TBX21: variants seen among roughly 807,000 people sequenced by gnomAD.
TBX21 encodes T-box transcription factor TBX21.
Under a neutral mutation model 52.2 loss-of-function variants are expected in TBX21, and 11 were observed. That is an observed-to-expected ratio of 0.21 (90% CI 0.13 to 0.35). The LOEUF (loss-of-function observed/expected upper bound fraction) is 0.35, where lower values mean the gene tolerates loss of function less well. TBX21 is among the 10% of genes least tolerant of loss of function. The pLI, the probability that TBX21 is intolerant of heterozygous loss-of-function variation, is 1.00. For synonymous variants in TBX21, 300 were observed against 316.1 expected, an observed-to-expected ratio of 0.95 and a Z score of 0.54; for missense variants, 625 against 755.1, an observed-to-expected ratio of 0.83 and a Z score of 2.02.
In TBX21 at chr17:47,733,591, A is replaced by C; in HGVS notation, c.137A>C (p.Asp46Ala). 1.4e-6 allele frequency: 2 copies of C among 1,457,114 alleles called. No individual in the cohort carries two copies. Among genetic ancestry groups the C allele is most frequent in the Non-Finnish European group, 1.8e-6 (2 of 1,112,990 alleles). The allele number at this position is 1,457,114 out of a possible 1,614,324, so 90.3% of individuals were successfully genotyped here. Residue 46 changes from aspartate (D) to alanine (A), a missense_variant, in exon 1 of 6, where the codon GAC becomes GCC. Around this residue, in one of 4 missense-constraint regions of TBX21, gnomAD observed 221 missense variants for 204.9 expected, o/e 1.08. Transcript: ENST00000177694. This position sits in a 1 kb window ranked among gnomAD's most constrained non-coding sequence, Gnocchi z 6.6. ...FYPEPGAQDA[D>A]ERRGGGSLGS... Reference sequence around the variant, plus strand: ...CCGGAGCCGGGCGCGCAGGACGCGGACGAGCGTCGCGGGGGCGGCAGCCTG... The same window carrying C: ...CCGGAGCCGGGCGCGCAGGACGCGGCCGAGCGTCGCGGGGGCGGCAGCCTG...
At position 47,733,513 on chromosome 17, in the gene TBX21, G is replaced by T; in HGVS notation, c.59G>T (p.Gly20Val). The T allele has an allele frequency of 6.7e-7, 1 of 1,494,166 alleles. No individual in the cohort carries two copies. The allele number at this position is 1,494,166 out of a possible 1,614,324, so 92.6% of individuals were successfully genotyped here. ...CTGACGGGCACCGAGCCGATGCCGGGGAGCGACGAGGGCCGGGCGCCTGGC... is the reference window on the plus strand; with the variant it reads ...CTGACGGGCACCGAGCCGATGCCGGTGAGCGACGAGGGCCGGGCGCCTGGC... ...DMLTGTEPMPGSDEGRAPGAD... is the reference protein window; with the variant it reads ...DMLTGTEPMPVSDEGRAPGAD... The change falls in exon 1 of 6, where the codon GGG (glycine) becomes GTG (valine). Residue 20 changes from glycine (G) to valine (V), a missense_variant. By Grantham distance (109) the Gly-to-Val change is moderately radical (BLOSUM62 -3). Coordinates refer to ENST00000177694, the MANE Select transcript of TBX21 (RefSeq NM_013351.2). This position sits in a 1 kb window ranked among gnomAD's most constrained non-coding sequence, Gnocchi z 6.6.
In TBX21 at chr17:47,743,308, A is replaced by G; in HGVS notation, c.768+116A>G. The G allele has an allele frequency of 8.6e-6, 12 of 1,387,628 alleles. No individual in the cohort carries two copies. The South Asian group carries it at 1.5e-4, about 18-fold the overall frequency. The allele number at this position is 1,387,628 out of a possible 1,614,324, so 86.0% of individuals were successfully genotyped here. ...TGGTTCATTTTTTCTTCCTTCCTAC[A>G]GGAAGGAAGGTTCGTTTTTCTTCTG... On this transcript the variant is annotated intron_variant, in intron 3 of 5. Transcript: ENST00000177694.
At chr17:47,737,356 ATTGG>A (rs1369193538) in intron 1 of TBX21, among the ~76,000 whole-genome samples, 2 of 151,870 alleles carry the variant, frequency 1.3e-5, no homozygotes, top group Non-Finnish European at 2.9e-5. Flanking sequence ...TCTGGGTGTG[ATTGG>A]TTGATTATTA....
At chr17:47,734,437 TAGTGGTGGTGGTAGC>T (rs1429348078) in intron 1 of TBX21, among the ~76,000 whole-genome samples, 3 of 151,704 alleles carry the variant, frequency 2.0e-5, no homozygotes, top group Non-Finnish European at 4.4e-5. Context: ...TTAGTGGTGG[TAGTGGTGGTGGTAGC>T]GGTGGTGGTG....
intron 1 of TBX21, among the ~76,000 whole-genome samples, chr17:47,735,544 A>T (rs1448432416): frequency 6.6e-6 from 1 of 151,554 alleles, no homozygotes; most frequent in Non-Finnish European, 1.5e-5. Context: ...ATAGCAAGAG[A>T]CTCTTCCAAG....
At chr17:47,739,485 G>A (rs930200759) in intron 1 of TBX21, among the ~76,000 whole-genome samples, 25 of 142,702 alleles carry the variant, frequency 1.8e-4, no homozygotes, top group South Asian at 1.4e-3. Context: ...ATGGCCTGGC[G>A]CGGTGGCTCA....
intron 3 of TBX21, among the ~76,000 whole-genome samples, chr17:47,743,879 C>CAAAAAAAAAAAAAAAAA: frequency 1.6e-5 from 1 of 62,136 alleles, no homozygotes; most frequent in Non-Finnish European, 3.2e-5. Context: ...GACTCCGTCT[C>CAAAAAAAAAAAAAAAAA]AAAAAAAAAA....
At chr17:47,736,419 C>T (rs1008261486) in intron 1 of TBX21, among the ~76,000 whole-genome samples, 3 of 152,122 alleles carry the variant, frequency 2.0e-5, no homozygotes, top group African/African-American at 7.2e-5. Context: ...ATTAGCAAAC[C>T]TGAAAAGAAT....
intron 1 of TBX21, among the ~76,000 whole-genome samples, chr17:47,740,397 G>T (rs545198545): frequency 3.9e-5 from 6 of 152,036 alleles, no homozygotes; most frequent in Admixed American, 3.9e-4. Flanking sequence ...AGCTTTCAGA[G>T]GAAAGATGGA....
chr17:47,741,454 C>T (rs1217666153), intron 1 of TBX21, among the ~76,000 whole-genome samples: 1 of 152,102 alleles, frequency 6.6e-6, no homozygotes, highest in Non-Finnish European at 1.5e-5. Context: ...CAGCATCCCA[C>T]CCCCTAACTT....
chr17:47,744,638 G>C, intron 5 of TBX21, 95 bp downstream of exon 5: 9 of 1,605,062 alleles, frequency 5.6e-6, no homozygotes, highest in Non-Finnish European at 6.8e-6. Context: ...AGATGCTACA[G>C]GTGGGCAGGC....
chr17:47,745,205 A>G lies in TBX21; in HGVS notation c.1447A>G (p.Ile483Val), dbSNP rs752883663. The change falls in exon 6 of 6, where the codon ATC (isoleucine) becomes GTC (valine). Residue 483 changes from isoleucine to valine, a missense_variant. By Grantham distance (29) the Ile-to-Val change is conservative (BLOSUM62 3). Around this residue, in one of 4 missense-constraint regions of TBX21, gnomAD observed 261 missense variants for 275.1 expected, o/e 0.95. Transcript: ENST00000177694. ...PPLVWTEIAP[I>V]RPESSDSGLG... is the part of the protein sequence containing the mutation. ...CTTGGTGTGGACTGAGATTGCCCCC[A>G]TCCGGCCGGAATCCAGTGATTCAGG... 2 of 1,614,178 alleles carry G rather than the reference A, an allele frequency of 1.2e-6. No homozygotes were observed. Among genetic ancestry groups the G allele is most frequent in the South Asian group, 2.2e-5 (2 of 91,082 alleles).
At position 47,742,574 on chromosome 17, in the gene TBX21, C is replaced by T; in HGVS notation, c.492-36C>T. 6.4e-7 allele frequency: 1 copy of T among 1,559,798 alleles called. No individual in the cohort carries two copies. Among genetic ancestry groups the T allele is most frequent in the Non-Finnish European group, 8.7e-7 (1 of 1,148,688 alleles). ...GGGGGGACTGGCTGTCAAGCTGGAG[C>T]TGATGGGTGCTGGGGGCTTTCTCTC... On this transcript the variant is annotated intron_variant, in intron 1 of 5. Transcript: ENST00000177694. This position sits in a 1 kb window ranked among gnomAD's most constrained non-coding sequence, Gnocchi z 4.4.
intron 1 of TBX21, among the ~76,000 whole-genome samples, chr17:47,738,069 C>T (rs2032226415): frequency 1.3e-5 from 2 of 152,134 alleles, no homozygotes; most frequent in Admixed American, 1.3e-4. Context: ...CAGGCATGAG[C>T]CATTGTGCCC....
Position 47,745,462 on chromosome 17 carries a change from T to A in TBX21, c.*96T>A. 6.7e-7 allele frequency: 1 copy of A among 1,483,100 alleles called. No individual in the cohort carries two copies. The allele number at this position is 1,483,100 out of a possible 1,614,324, so 91.9% of individuals were successfully genotyped here. A position where few individuals can be genotyped will look rare whatever the true frequency, so the allele number is the denominator to read the frequency against. ...GATGAAGGACTGAGAAGGCCCCCGC[T>A]CCCTCTGGCCCTTCTCTGTTTAGTA... is the stretch of plus-strand genomic sequence containing the variant. On this transcript the variant is annotated 3_prime_UTR_variant, in exon 6 of 6. Coordinates refer to ENST00000177694, the MANE Select transcript of TBX21 (RefSeq NM_013351.2).
Position 47,733,458 on chromosome 17 carries a change from G to A in TBX21, c.4G>A (p.Gly2Ser). ...GGAAGGTGCCAGCCCGCCCCGGATG[G>A]GCATCGTGGAGCCGGGTTGCGGAGA... M[G>S]IVEPGCGDML... The change falls in exon 1 of 6, where the codon GGC (glycine) becomes AGC (serine). Residue 2 changes from glycine (G) to serine (S), a missense_variant. Physicochemically the swap from Gly to Ser is moderately conservative, Grantham distance 56. Coordinates refer to ENST00000177694, the MANE Select transcript of TBX21 (RefSeq NM_013351.2). The surrounding 1 kb of genome is among the most constrained non-coding windows in gnomAD (Gnocchi z 6.6). 1 of 1,486,910 alleles carries A rather than the reference G, an allele frequency of 6.7e-7. No homozygotes were observed. Among genetic ancestry groups the A allele is most frequent in the Middle Eastern group, 2.2e-4 (1 of 4,566 alleles). The allele number at this position is 1,486,910 out of a possible 1,614,324, so 92.1% of individuals were successfully genotyped here.
intron 1 of TBX21, among the ~76,000 whole-genome samples, chr17:47,740,825 G>T (rs1039473387): frequency 3.3e-5 from 5 of 152,162 alleles, no homozygotes; most frequent in African/African-American, 1.2e-4. Context: ...GGGAAGACAG[G>T]CGTGTGACAG....
chr17:47,744,573 G>A, intron 5 of TBX21, 30 bp downstream of exon 5: 1 of 1,613,828 alleles, frequency 6.2e-7, no homozygotes, highest in South Asian at 1.1e-5. Flanking sequence ...ACTCAGCTTT[G>A]GTCCCTCCTG....
chr17:47,735,791 G>A (rs1434685359), intron 1 of TBX21, among the ~76,000 whole-genome samples: 1 of 152,208 alleles, frequency 6.6e-6, no homozygotes, highest in Non-Finnish European at 1.5e-5. Flanking sequence ...CTAGGGGCTT[G>A]CACTCCATCA....
Sources: allele counts gnomAD v4.1 joint callset (sites outside exome capture counted in the v4.1 genomes callset), GRCh38; gene constraint gnomAD v4.1.1; regional missense constraint gnomAD v4.1.1; non-coding constraint Gnocchi (gnomAD v3.1); transcripts MANE v1.5; gene names NCBI Gene and HGNC (gene_info 2026-07-23, HGNC 2026-07-21).